Variants in ZMYND8 observed in about 807,000 individuals in gnomAD.
ZMYND8 encodes zinc finger MYND-type containing 8.
A neutral mutation model predicts 140.8 loss-of-function variants in ZMYND8; 37 were observed. The ratio of observed to expected loss-of-function variants is 0.26; its 90% CI spans 0.20 to 0.35. The LOEUF is 0.35. Ranked by LOEUF, ZMYND8 falls within the 10% of genes least tolerant of loss-of-function variation. The pLI is 1.00. For missense variants in ZMYND8, 1,068 were observed against 1,570.0 expected (o/e 0.68, Z 5.40); for synonymous variants, 592 against 597.1 (o/e 0.99, Z 0.12).
intron 9 of ZMYND8, among the ~76,000 whole-genome samples, chr20:47,283,311 C>A (rs1207247942): frequency 6.6e-6 from 1 of 152,236 alleles, no homozygotes; most frequent in Non-Finnish European, 1.5e-5. Flanking sequence ...GATGAGCTCT[C>A]TTTTATGCTG....
chr20:47,310,414 A>G (rs1240260875), intron 2 of ZMYND8, among the ~76,000 whole-genome samples: 1 of 152,188 alleles, frequency 6.6e-6, no homozygotes, highest in Non-Finnish European at 1.5e-5. Context: ...TGACCTATGT[A>G]ACATTTTTGT....
intron 3 of ZMYND8, among the ~76,000 whole-genome samples, chr20:47,301,589 A>T (rs2078052252): frequency 6.6e-6 from 1 of 152,026 alleles, no homozygotes; most frequent in Non-Finnish European, 1.5e-5. Flanking sequence ...TGCACACACC[A>T]TCTTCATTTT....
Position 47,246,320 on chromosome 20 carries a change from G to T in ZMYND8, c.1972C>A (p.Pro658Thr). The change falls in exon 14 of 23, where the codon CCT becomes ACT. Residue 658 changes from proline (P) to threonine (T), a missense_variant. Around this residue, in one of 10 missense-constraint regions of ZMYND8, gnomAD observed 383 missense variants for 431.2 expected, o/e 0.89. Coordinates refer to ENST00000471951, the MANE Select transcript of ZMYND8 (RefSeq NM_001281775.3). ...TCTTTAATCTCCACTGGGTTTGTAGGCTTGGGCTTTTTTTTAACAGCAGAT... is the reference window on the plus strand; with the variant it reads ...TCTTTAATCTCCACTGGGTTTGTAGTCTTGGGCTTTTTTTTAACAGCAGAT... ...EPSAVKKKPK[P>T]TNPVEIKEEL... is the part of the protein sequence containing the mutation. The T allele has an allele frequency of 6.2e-7, 1 of 1,614,094 alleles. No homozygotes were observed. Among genetic ancestry groups the T allele is most frequent in the Non-Finnish European group, 8.5e-7 (1 of 1,180,008 alleles).
chr20:47,234,542 C>T (rs1038554269), intron 16 of ZMYND8, among the ~76,000 whole-genome samples: 4 of 152,338 alleles, frequency 2.6e-5, no homozygotes, highest in Middle Eastern at 3.4e-3. Context: ...ATGACTGCAA[C>T]TGCAAGAGAT....
intron 17 of ZMYND8, 50 bp from the exon 18 acceptor site, chr20:47,227,331 C>CA (rs2037845845): frequency 6.3e-7 from 1 of 1,577,944 alleles, no homozygotes; most frequent in African/African-American, 1.3e-5. Context: ...TGCAGTTCAC[C>CA]AGGAGGGCTC....
rs2035081167 is a variant in ZMYND8 at position 47,210,431 on chromosome 20, A to ATTGTTTT, written c.*329_*330insAAAACAA. On this transcript the variant is annotated 3_prime_UTR_variant, in exon 23 of 23. Transcript: ENST00000471951. Reference sequence around the variant, plus strand: ...TGGTTGCTTTTTTTTTTTTTTTTAAATCGTTTTTCTTTTTCTTTTTTTTTT... The same window carrying ATTGTTTT: ...TGGTTGCTTTTTTTTTTTTTTTTAAATTGTTTTTCGTTTTTCTTTTTCTTTTTTTTTT... The ATTGTTTT allele has an allele frequency of 6.8e-6, 1 of 146,580 alleles. No homozygotes were observed. Among genetic ancestry groups the ATTGTTTT allele is most frequent in the African/African-American group, 3.3e-5 (1 of 30,676 alleles). The allele number at this position is 146,580 out of a possible 1,614,324, so 9.1% of individuals were successfully genotyped here.
intron 2 of ZMYND8, among the ~76,000 whole-genome samples, chr20:47,345,843 G>T (rs963133398): frequency 2.7e-5 from 4 of 147,826 alleles, no homozygotes; most frequent in African/African-American, 7.7e-5. Flanking sequence ...GGGGGCGGGA[G>T]GGGGGGGTCT....
At chr20:47,336,472 G>A (rs1383017149) in intron 2 of ZMYND8, among the ~76,000 whole-genome samples, 1 of 152,150 alleles carries the variant, frequency 6.6e-6, no homozygotes, top group Non-Finnish European at 1.5e-5. Flanking sequence ...ACCACAAAAC[G>A]CACACATGGC....
At chr20:47,327,248 G>A (rs541312302) in intron 2 of ZMYND8, among the ~76,000 whole-genome samples, 3 of 151,830 alleles carry the variant, frequency 2.0e-5, no homozygotes, top group East Asian at 3.9e-4. Flanking sequence ...ACTCCCGACC[G>A]CCCACCTCAG....
intron 2 of ZMYND8, among the ~76,000 whole-genome samples, chr20:47,322,304 C>T (rs74637763): frequency 0.016 from 2,494 of 152,214 alleles, 82 homozygotes; most frequent in South Asian, 0.13. Context: ...TGTGAACACA[C>T]CTAGCAGGTG....
chr20:47,243,875 C>G (rs1337617007), intron 14 of ZMYND8, among the ~76,000 whole-genome samples: 1 of 152,224 alleles, frequency 6.6e-6, no homozygotes, highest in Non-Finnish European at 1.5e-5. Context: ...CTATTGTTCT[C>G]TGCAACAACA....
chr20:47,239,008 G>A lies in ZMYND8; in HGVS notation c.2415C>T (p.Val805=), dbSNP rs2039611554. Residue 805 remains valine, a synonymous_variant, in exon 15 of 23, where the codon GTC becomes GTT. Coordinates refer to ENST00000471951, the MANE Select transcript of ZMYND8 (RefSeq NM_001281775.3). ...ATATTSTSST[V]TVTAPAPAAT... is the part of the protein sequence containing the mutation. ...CGGCGGGGGCCGGGGCCGTGACGGT[G>A]ACCGTGGAGGACGTGCTGGTGGTGG... 2 of 1,603,620 alleles carry A rather than the reference G, an allele frequency of 1.2e-6. No homozygotes were observed. Among genetic ancestry groups the A allele is most frequent in the Non-Finnish European group, 8.5e-7 (1 of 1,172,388 alleles).
intron 2 of ZMYND8, among the ~76,000 whole-genome samples, chr20:47,324,876 TTCATTACAG>T (rs1303633225): frequency 6.6e-6 from 1 of 152,198 alleles, no homozygotes. Flanking sequence ...TTTTTTTCCC[TTCATTACAG>T]TCATATATAG....
At chr20:47,313,639 A>G (rs957694524) in intron 2 of ZMYND8, among the ~76,000 whole-genome samples, 5 of 150,716 alleles carry the variant, frequency 3.3e-5, no homozygotes, top group East Asian at 2.0e-4. Flanking sequence ...AAATAATAAT[A>G]ATAATAATTA....
At chr20:47,215,497 A>G (rs2035958103) in intron 21 of ZMYND8, among the ~76,000 whole-genome samples, 1 of 150,424 alleles carries the variant, frequency 6.6e-6, no homozygotes, top group South Asian at 2.1e-4. Context: ...AATGGAGACA[A>G]ATGAAACAAC....
intron 12 of ZMYND8, among the ~76,000 whole-genome samples, chr20:47,254,888 A>G (rs1166394607): frequency 1.3e-5 from 2 of 152,164 alleles, no homozygotes; most frequent in Non-Finnish European, 2.9e-5. Context: ...GCATTTTGGG[A>G]GGCTGAGGTG....
In ZMYND8 at chr20:47,246,211, T is replaced by C. The variant is rs2040545135; in HGVS notation, c.2081A>G (p.Asp694Gly). 6.2e-7 allele frequency: 1 copy of C among 1,614,208 alleles called. No individual in the cohort carries two copies. Among genetic ancestry groups the C allele is most frequent in the Non-Finnish European group, 8.5e-7 (1 of 1,180,038 alleles). Residue 694 changes from aspartate (D) to glycine (G), a missense_variant, in exon 14 of 23, where the codon GAC becomes GGC. Coordinates refer to ENST00000471951, the MANE Select transcript of ZMYND8 (RefSeq NM_001281775.3). ...KDKASPEPEK[D>G]FSEKAKPSPH... ...TGAAGGTTTTGCCTTTTCGGAAAAGTCCTTCTCAGGCTCAGGGCTGGCCTT... is the reference window on the plus strand; with the variant it reads ...TGAAGGTTTTGCCTTTTCGGAAAAGCCCTTCTCAGGCTCAGGGCTGGCCTT...
At chr20:47,325,819 G>A (rs528297803) in intron 2 of ZMYND8, among the ~76,000 whole-genome samples, 5 of 151,098 alleles carry the variant, frequency 3.3e-5, no homozygotes, top group African/African-American at 4.9e-5. Context: ...ACAGAGTTTC[G>A]TTCTTGTTGC....
At chr20:47,227,688 T>A (rs565883700) in intron 17 of ZMYND8, among the ~76,000 whole-genome samples, 6 of 152,320 alleles carry the variant, frequency 3.9e-5, no homozygotes, top group African/African-American at 1.2e-4. Flanking sequence ...GCCTGACATC[T>A]CTGAAAACCA....
Sources: gnomAD v4.1 joint callset for allele counts (sites outside exome capture counted in the v4.1 genomes callset) on GRCh38, gnomAD v4.1.1 for gene constraint, gnomAD v4.1.1 regional missense constraint, MANE v1.5 for transcripts, NCBI Gene and HGNC (gene_info 2026-07-23, HGNC 2026-07-21) for gene names.